FAM13A: variants seen among roughly 807,000 people sequenced by gnomAD.
FAM13A encodes the protein protein FAM13A.
A neutral mutation model predicts 129.6 loss-of-function variants in FAM13A; 76 were observed. The ratio of observed to expected loss-of-function variants is 0.59; its 90% CI spans 0.49 to 0.71. The LOEUF is 0.71. Ranked by LOEUF, FAM13A falls within the 30% of genes least tolerant of loss-of-function variation. FAM13A has a pLI of 0.00. For missense variants in FAM13A, 1,108 were observed against 1,249.3 expected, an observed-to-expected ratio of 0.89 and a Z score of 1.70; for synonymous variants, 443 against 449.9, an observed-to-expected ratio of 0.98 and a Z score of 0.20.
chr4:88,942,437 C>G (rs1754928729), intron 4 of FAM13A, among the ~76,000 whole-genome samples: 1 of 151,952 alleles, frequency 6.6e-6, no homozygotes, highest in South Asian at 2.1e-4. Context: ...TGTGGTGGTG[C>G]AGGCCTGTCA....
At chr4:89,013,994 A>G (rs574159188) in intron 3 of FAM13A, among the ~76,000 whole-genome samples, 40 of 152,260 alleles carry the variant, frequency 2.6e-4, no homozygotes, top group African/African-American at 9.1e-4. Context: ...GGGGGTAAGT[A>G]CACCCTGTGG....
rs190713377 is a variant in FAM13A, at chr4:88,846,023, G to C, written c.1007+4997C>G. Among the ~76,000 whole-genome samples the C allele has an allele frequency of 1.9e-3, 296 of 152,046 alleles. 1 individual carries two copies. The highest frequency in any genetic ancestry group is 7.1e-3 in the African/African-American group (293 of 41,456). On this transcript the variant is annotated intron_variant, in intron 7 of 23. Coordinates refer to ENST00000264344, the MANE Select transcript of FAM13A (RefSeq NM_014883.4). ...TCATATTATTTTAGATAAATACTTG[G>C]CATAGTGGTAGCTATTTCTTTATTC...
chr4:88,939,619 T>G (rs967005401), intron 4 of FAM13A, among the ~76,000 whole-genome samples: 4 of 152,128 alleles, frequency 2.6e-5, no homozygotes, highest in African/African-American at 9.7e-5. Flanking sequence ...TACACTTGGG[T>G]GTAGATAGAA....
intron 7 of FAM13A, among the ~76,000 whole-genome samples, chr4:88,820,917 T>A (rs1279417855): frequency 6.6e-6 from 1 of 152,288 alleles, no homozygotes; most frequent in South Asian, 2.1e-4. Context: ...CTTTTACACA[T>A]CCAATTTCAA....
chr4:89,026,502 A>G (rs1307229811), intron 2 of FAM13A, among the ~76,000 whole-genome samples: 5 of 152,232 alleles, frequency 3.3e-5, no homozygotes, highest in Non-Finnish European at 5.9e-5. Context: ...GTAATTTATA[A>G]AAGAAAGAGG....
chr4:88,906,270 AAAGC>A, intron 6 of FAM13A, 105 bp downstream of exon 6: 1 of 788,700 alleles, frequency 1.3e-6, no homozygotes, highest in Non-Finnish European at 2.1e-6. Context: ...CCTGGACGAT[AAAGC>A]AAGACTCTGT....
chr4:88,855,393 A>G (rs1738314817), intron 6 of FAM13A: 1 of 152,180 alleles, frequency 6.6e-6, no homozygotes, highest in Admixed American at 6.5e-5. Flanking sequence ...TGAAAATGTA[A>G]GCATTCTAAA....
At chr4:89,037,192 C>T (rs1180842348) in intron 1 of FAM13A, among the ~76,000 whole-genome samples, 1 of 152,168 alleles carries the variant, frequency 6.6e-6, no homozygotes, top group African/African-American at 2.4e-5. Flanking sequence ...CAATGCTATC[C>T]CAGGAAAGCA....
chr4:89,037,769 G>A (rs1417594188), intron 1 of FAM13A, among the ~76,000 whole-genome samples: 1 of 152,132 alleles, frequency 6.6e-6, no homozygotes, highest in Non-Finnish European at 1.5e-5. Flanking sequence ...TAGTGAGTCA[G>A]TTCTCACAAG....
intron 21 of FAM13A, among the ~76,000 whole-genome samples, chr4:88,734,692 G>T (rs899131249): frequency 5.3e-5 from 8 of 152,182 alleles, no homozygotes; most frequent in Non-Finnish European, 1.2e-4. Context: ...AAGGGGTGGT[G>T]GTGCCACACT....
rs1015511865 is a variant in FAM13A, at chr4:88,923,762, T to C, written c.759+14326A>G. The stretch of plus-strand genomic sequence containing the variant: ...CAATTAGGAAAAGAGGAAGTCAAAG[T>C]GTCCCTGTTTGCAGATGACATGATT... On this transcript the variant is annotated intron_variant, in intron 5 of 23. Transcript: ENST00000264344. 1.4e-4 allele frequency among the ~76,000 whole-genome samples: 21 copies of C among 152,164 alleles called. 1 individual carries two copies. Among genetic ancestry groups the C allele is most frequent in the Admixed American group, 9.8e-4 (15 of 15,280 alleles).
At chr4:89,048,236 C>A (rs1292601203) in intron 1 of FAM13A, among the ~76,000 whole-genome samples, 4 of 151,962 alleles carry the variant, frequency 2.6e-5, no homozygotes, top group African/African-American at 4.8e-5. Flanking sequence ...AGAAACAACC[C>A]AAGGATCTAT....
intron 8 of FAM13A, among the ~76,000 whole-genome samples, chr4:88,797,346 C>T (rs1726421901): frequency 6.6e-6 from 1 of 151,252 alleles, no homozygotes. Context: ...CATCATAGCT[C>T]ACTGAAATCT....
intron 4 of FAM13A, among the ~76,000 whole-genome samples, chr4:88,966,919 C>T (rs189668955): frequency 6.6e-6 from 1 of 152,256 alleles, no homozygotes; most frequent in African/African-American, 2.4e-5. Flanking sequence ...TCTCAATATT[C>T]TCTAACCCAG....
At chr4:88,980,528 C>T (rs1319824661) in intron 4 of FAM13A, among the ~76,000 whole-genome samples, 2 of 152,166 alleles carry the variant, frequency 1.3e-5, no homozygotes, top group African/African-American at 2.4e-5. Flanking sequence ...AAAGGCCAAA[C>T]TTTCCAATCA....
chr4:88,910,674 G>A (rs1240737639), intron 5 of FAM13A, among the ~76,000 whole-genome samples: 1 of 142,478 alleles, frequency 7.0e-6, no homozygotes, highest in Non-Finnish European at 1.5e-5. Context: ...TTTTTGAGAT[G>A]GAGTCTCGCT....
intron 2 of FAM13A, among the ~76,000 whole-genome samples, chr4:89,024,953 C>T (rs991457913): frequency 3.9e-5 from 6 of 152,102 alleles, no homozygotes; most frequent in African/African-American, 1.2e-4. Flanking sequence ...TCATTAAGAG[C>T]GACTGATTTA....
At position 88,892,414 on chromosome 4, in the gene FAM13A, C is replaced by A. The variant is rs568337702; in HGVS notation, c.843+13965G>T. ...CAGGATGGTCTCGATCTCCTGACCT[C>A]GTGACCTGCCCGCCTCGGCCTCCCA... is the stretch of plus-strand genomic sequence containing the variant. On this transcript the variant is annotated intron_variant, in intron 6 of 23. Transcript: ENST00000264344. Among the ~76,000 whole-genome samples, 367 of 152,084 alleles carry A rather than the reference C, an allele frequency of 2.4e-3. 2 individuals carry two copies. The highest frequency in any genetic ancestry group is 3.5e-3 in the Non-Finnish European group (241 of 68,006).
chr4:88,747,739 T>C lies in FAM13A; in HGVS notation c.2274A>G (p.Gln758=). The change falls in exon 18 of 24, where the codon CAA becomes CAG. Residue 758 remains glutamine, a synonymous_variant. Transcript: ENST00000264344. ...SQLEKEDEKK[Q]ELVDKAIKPS... ...GCTTTATTGCTTTATCCACCAGCTC[T>C]TGCTTCTTCTCATCTTCTTTCTCAA... The C allele has an allele frequency of 1.2e-6, 2 of 1,613,982 alleles. No homozygotes were observed. Among genetic ancestry groups the C allele is most frequent in the East Asian group, 2.2e-5 (1 of 44,888 alleles).
Sources: gnomAD v4.1 joint callset for allele counts (sites outside exome capture counted in the v4.1 genomes callset) on GRCh38, gnomAD v4.1.1 for gene constraint, MANE v1.5 for transcripts, NCBI Gene and HGNC (gene_info 2026-07-23, HGNC 2026-07-21) for gene names.